The following SYN1 variants were observed in gnomAD, a reference collection of about 807,000 sequenced individuals.
SYN1 encodes synapsin I.
SYN1 carries 8 observed loss-of-function variants against 44.6 expected under a neutral mutation model. That is an observed-to-expected ratio of 0.18 (90% CI 0.11 to 0.32). The LOEUF (loss-of-function observed/expected upper bound fraction) is 0.32, where lower values mean the gene tolerates loss of function less well. Ranked by LOEUF, SYN1 falls within the 10% of genes least tolerant of loss-of-function variation. The pLI is 1.00. For synonymous variants in SYN1, 275 were observed against 280.1 expected (o/e 0.98, Z 0.18); for missense variants, 451 against 639.4 (o/e 0.71, Z 3.18).
chrX:47,579,849 G>GCCCCCCCCCCC (rs140381513), intron 5 of SYN1, among the ~76,000 whole-genome samples: 46 of 83,123 alleles, frequency 5.5e-4, no homozygotes, highest in South Asian at 7.2e-4. Context: ...TGTTTTTGTC[G>GCCCCCCCCCCC]CCCCCCCACC....
intron 5 of SYN1, among the ~76,000 whole-genome samples, chrX:47,596,240 C>T (rs1603066356): frequency 1.8e-5 from 2 of 112,428 alleles, no homozygotes; most frequent in South Asian, 7.3e-4. Context: ...GGGTGCTTTT[C>T]AGAAACAATT....
intron 5 of SYN1, among the ~76,000 whole-genome samples, chrX:47,598,730 G>C (rs2057871039): frequency 8.9e-6 from 1 of 111,856 alleles, no homozygotes; most frequent in African/African-American, 3.3e-5. Flanking sequence ...AGAAGGCTGA[G>C]GCAGGAGAAT....
chrX:47,607,606 G>A (rs191863543), intron 1 of SYN1, among the ~76,000 whole-genome samples: 230 of 109,523 alleles, frequency 2.1e-3, no homozygotes, highest in African/African-American at 7.4e-3. Flanking sequence ...GGCCAGGTAC[G>A]GTGGCTTACG....
At chrX:47,586,839 C>G (rs763775127) in intron 5 of SYN1, 1 of 734,226 alleles carries the variant, frequency 1.4e-6, no homozygotes, top group Admixed American at 3.8e-5. Context: ...TGCTGATGAC[C>G]TGGTGTGAGC....
At position 47,616,935 on chromosome X, in the gene SYN1, G is replaced by A. The variant is rs754787020; in HGVS notation, c.377+2417C>T. ...AAAAAGGGGAGAAGAGGCATTTAAC[G>A]CAGGGTTCTCAGTAGTATACGATAA... On this transcript the variant is annotated intron_variant, in intron 1 of 12. Coordinates refer to ENST00000295987, the MANE Select transcript of SYN1 (RefSeq NM_006950.3). Among the ~76,000 whole-genome samples the A allele has an allele frequency of 9.0e-5, 10 of 110,692 alleles. No individual in the cohort carries two copies. The South Asian group carries it at 1.2e-3, about 13-fold the overall frequency.
intron 5 of SYN1, among the ~76,000 whole-genome samples, chrX:47,598,698 GCACCTGTAGTCCCAGCTACTAA>G (rs2057870927): frequency 9.0e-6 from 1 of 111,624 alleles, no homozygotes; most frequent in Non-Finnish European, 1.9e-5. Flanking sequence ...GTGGTGGCAG[GCACCTGTAGTCCCAGCTACTAA>G]GAAGGCTGAG....
chrX:47,592,074 T>C (rs2057849688), intron 5 of SYN1, among the ~76,000 whole-genome samples: 1 of 112,007 alleles, frequency 8.9e-6, no homozygotes, highest in Non-Finnish European at 1.9e-5. Context: ...ACATGGCGGC[T>C]CATGCCTATA....
rs758344571 is a variant in SYN1 at position 47,619,444 on chromosome X, G to A, written c.285C>T (p.Phe95=). Residue 95 remains phenylalanine (F), a synonymous_variant, in exon 1 of 13, where the codon TTC becomes TTT. Transcript: ENST00000295987. ...CAGAGCCGCCGCCCACCTGCTCGCT[G>A]AAGGTGGCAGCTGCCGCCGCCGTGG... ...KQTTAAAAAT[F]SEQVGGGSGG... 2.5e-6 allele frequency: 3 copies of A among 1,194,806 alleles called. No homozygotes were observed. The highest frequency in any genetic ancestry group is 3.6e-5 in the South Asian group (2 of 56,001).
intron 5 of SYN1, among the ~76,000 whole-genome samples, chrX:47,596,013 A>G (rs1359268520): frequency 1.8e-5 from 2 of 112,497 alleles, no homozygotes; most frequent in Non-Finnish European, 3.8e-5. Flanking sequence ...CTTCTCTTGT[A>G]CACATCCCCT....
chrX:47,615,333 T>A (rs1335176245), intron 1 of SYN1, among the ~76,000 whole-genome samples: 1 of 111,874 alleles, frequency 8.9e-6, no homozygotes, highest in East Asian at 2.8e-4. Flanking sequence ...GCAGTCTGAT[T>A]TTTCTATGCT....
Position 47,619,236 on chromosome X carries a change from G to T in SYN1, c.377+116C>A, listed in dbSNP as rs753017834. On this transcript the variant is annotated intron_variant, in intron 1 of 12. Coordinates refer to ENST00000295987, the MANE Select transcript of SYN1 (RefSeq NM_006950.3). ...CCAGCTTAATAATTTAAAGGAAAAA[G>T]ATTTAGGTGAGAGGGCCAGGTGTCA... The T allele has an allele frequency of 4.1e-4, 438 of 1,072,467 alleles. 1 individual carries two copies. The highest frequency in any genetic ancestry group is 5.0e-4 in the Non-Finnish European group (402 of 800,487). 88.4% of individuals were successfully genotyped at this position (1,072,467 alleles called of 1,213,427 possible). A position where few individuals can be genotyped will look rare whatever the true frequency, so the allele number is the denominator to read the frequency against.
At chrX:47,597,164 C>G (rs1334355983) in intron 5 of SYN1, among the ~76,000 whole-genome samples, 1 of 109,149 alleles carries the variant, frequency 9.2e-6, no homozygotes, top group Non-Finnish European at 1.9e-5. Flanking sequence ...TGAAACCCCC[C>G]TCTCAACTAA....
Position 47,601,474 on chromosome X carries a change from C to T in SYN1, c.774+3504G>A, listed in dbSNP as rs753283502. 1.2e-4 allele frequency among the ~76,000 whole-genome samples: 13 copies of T among 111,750 alleles called. No homozygotes were observed. The South Asian group carries it at 1.8e-3, about 16-fold the overall frequency. ...CTAAACATTTAAAAAGAATTAATAC[C>T]GACCAGGCATGGTGGCTCACACCTG... On this transcript the variant is annotated intron_variant, in intron 5 of 12. Coordinates refer to ENST00000295987, the MANE Select transcript of SYN1 (RefSeq NM_006950.3).
At chrX:47,585,886 C>T (rs1306912419) in intron 5 of SYN1, 7 of 1,136,065 alleles carry the variant, frequency 6.2e-6, no homozygotes, top group Non-Finnish European at 7.0e-6. Flanking sequence ...ACCGTGTGAT[C>T]ACCTGTCCCT....
At chrX:47,604,818 G>A (rs747674617) in intron 5 of SYN1, 160 bp downstream of exon 5, 665 of 507,646 alleles carry the variant, frequency 1.3e-3, no homozygotes, top group Middle Eastern at 0.01. Flanking sequence ...TAAGCATAAG[G>A]AAATTCACGG....
chrX:47,574,164 G>C lies in SYN1; in HGVS notation c.1820C>G (p.Ala607Gly). Reference protein sequence around the residue: ...PAGPTRQASQAGPVPRTGPPT... With the variant: ...PAGPTRQASQGGPVPRTGPPT... ...TGGCCCAGTGCGGGGCACGGGACCC[G>C]CCTGGCTGGCCTGGCGTGTGGGGCC... The change falls in exon 12 of 13, where the codon GCG becomes GGG. Residue 607 changes from alanine (A) to glycine (G), a missense_variant. By Grantham distance (60) the Ala-to-Gly change is moderately conservative (BLOSUM62 0). This residue lies in a region of SYN1 where 127 missense variants were observed against 154.8 expected (regional missense o/e 0.82). Transcript: ENST00000295987. 9.5e-7 allele frequency: 1 copy of C among 1,052,262 alleles called. No homozygotes were observed. The highest frequency in any genetic ancestry group is 1.2e-6 in the Non-Finnish European group (1 of 825,526). 86.7% of individuals were successfully genotyped at this position (1,052,262 alleles called of 1,213,427 possible). A position where few individuals can be genotyped will look rare whatever the true frequency, so the allele number is the denominator to read the frequency against.
At chrX:47,585,628 C>T in intron 5 of SYN1, 4 of 1,116,926 alleles carry the variant, frequency 3.6e-6, no homozygotes, top group Non-Finnish European at 4.7e-6. Context: ...AGCGCCGGGG[C>T]TTCACCAAGA....
At chrX:47,578,327 C>CAG (rs762082864) in intron 5 of SYN1, among the ~76,000 whole-genome samples, 92 of 111,255 alleles carry the variant, frequency 8.3e-4, no homozygotes, top group Admixed American at 4.5e-3. Context: ...ACTCAACACA[C>CAG]AGGCACACAT....
intron 5 of SYN1, among the ~76,000 whole-genome samples, chrX:47,604,519 G>A (rs1364964898): frequency 1.8e-5 from 2 of 111,345 alleles, no homozygotes; most frequent in Admixed American, 1.9e-4. Context: ...TCAAAGTGCT[G>A]GGATTACAGG....
Sources: gnomAD v4.1 joint callset for allele counts (sites outside exome capture counted in the v4.1 genomes callset) on GRCh38, gnomAD v4.1.1 for gene constraint, gnomAD v4.1.1 regional missense constraint, MANE v1.5 for transcripts, NCBI Gene and HGNC (gene_info 2026-07-23, HGNC 2026-07-21) for gene names.